VPS8: variants seen among roughly 807,000 people sequenced by gnomAD.
The protein encoded by VPS8 is vacuolar protein sorting-associated protein 8 homolog.
In VPS8, 129 loss-of-function variants were observed where a neutral mutation model predicts 216.4. The observed-to-expected ratio is 0.60, with a 90% CI of 0.52 to 0.69. The LOEUF is 0.69. Ranked by LOEUF, VPS8 falls within the 30% of genes least tolerant of loss-of-function variation. The probability of loss-of-function intolerance (pLI) is 0.00; values close to 1 mark genes in which losing one functional copy is unlikely to be tolerated. For missense variants in VPS8, 1,531 were observed against 1,683.5 expected (o/e 0.91, Z 1.59); for synonymous variants, 571 against 565.4 (o/e 1.01, Z -0.14).
Position 184,915,335 on chromosome 3 carries a change from A to G in VPS8, c.2263-20A>G. On this transcript the variant is annotated intron_variant, in intron 27 of 47. Coordinates refer to ENST00000625842, the MANE Select transcript of VPS8 (RefSeq NM_001009921.3). ...TTTGTCAGGTGAGAAAATAATCAAC[A>G]TTTTTTTCCCAACTTGCAGGTTTTT... The G allele has an allele frequency of 6.2e-7, 1 of 1,607,664 alleles. No individual in the cohort carries two copies.
intron 42 of VPS8, among the ~76,000 whole-genome samples, chr3:184,985,254 A>AG (rs1445860775): frequency 6.6e-6 from 1 of 152,238 alleles, no homozygotes; most frequent in Non-Finnish European, 1.5e-5. Flanking sequence ...AGAGAAGTTG[A>AG]GTTCTTAGCC....
At chr3:184,963,773 T>A (rs1165078179) in intron 37 of VPS8, among the ~76,000 whole-genome samples, 1 of 152,090 alleles carries the variant, frequency 6.6e-6, no homozygotes, top group Non-Finnish European at 1.5e-5. Context: ...AGATAATTTT[T>A]ATTAAGAAAA....
intron 36 of VPS8, among the ~76,000 whole-genome samples, chr3:184,946,879 G>C (rs1743774800): frequency 6.6e-6 from 1 of 151,940 alleles, no homozygotes; most frequent in African/African-American, 2.4e-5. Flanking sequence ...ACACTCTACT[G>C]AAAGCAAAAC....
chr3:185,004,966 T>C (rs1253715568), intron 45 of VPS8, among the ~76,000 whole-genome samples: 1 of 58,126 alleles, frequency 1.7e-5, no homozygotes, highest in Non-Finnish European at 3.2e-5. Context: ...ATGAGGTCTT[T>C]GCCTAAGCCA....
At chr3:184,839,137 T>C (rs1721649719) in intron 6 of VPS8, 1 of 190,874 alleles carries the variant, frequency 5.2e-6, no homozygotes, top group Non-Finnish European at 1.1e-5. Flanking sequence ...ATTGTCAGGC[T>C]TGCCAAATAG....
At chr3:184,942,655 A>G (rs1432417843) in intron 36 of VPS8, among the ~76,000 whole-genome samples, 2 of 152,184 alleles carry the variant, frequency 1.3e-5, no homozygotes, top group Non-Finnish European at 2.9e-5. Context: ...TTCTGCTTTG[A>G]GAGTCCTGAT....
At chr3:185,021,931 A>G (rs1344660725) in intron 45 of VPS8, among the ~76,000 whole-genome samples, 1 of 152,216 alleles carries the variant, frequency 6.6e-6, no homozygotes, top group Non-Finnish European at 1.5e-5. Flanking sequence ...GATAGTATCG[A>G]GTATCCATTG....
chr3:184,989,037 G>C (rs1010613364), intron 42 of VPS8, among the ~76,000 whole-genome samples: 11 of 152,090 alleles, frequency 7.2e-5, no homozygotes, highest in African/African-American at 2.7e-4. Flanking sequence ...GGGTTTTTTA[G>C]ACAATCATGT....
At chr3:184,974,623 A>AT (rs2109670624) in intron 40 of VPS8, among the ~76,000 whole-genome samples, 1 of 152,108 alleles carries the variant, frequency 6.6e-6, no homozygotes, top group East Asian at 1.9e-4. Context: ...TAGCTGTAAA[A>AT]TTTTTGTCTA....
At chr3:184,838,394 T>C (rs968318662) in intron 5 of VPS8, among the ~76,000 whole-genome samples, 3 of 152,204 alleles carry the variant, frequency 2.0e-5, no homozygotes, top group Admixed American at 6.5e-5. Flanking sequence ...ATAGTACTTA[T>C]AGTTTATTCA....
intron 36 of VPS8, among the ~76,000 whole-genome samples, chr3:184,948,567 C>T (rs9820111): frequency 0.51 from 77,810 of 152,042 alleles, 21,165 homozygotes; most frequent in Middle Eastern, 0.65. Flanking sequence ...AAGCCACGGA[C>T]TTTACCAGTA....
intron 46 of VPS8, among the ~76,000 whole-genome samples, chr3:185,047,852 C>T (rs980671808): frequency 2.4e-4 from 36 of 152,218 alleles, no homozygotes; most frequent in African/African-American, 8.4e-4. Context: ...ATGGCCGCCT[C>T]CCCCAGGATC....
intron 34 of VPS8, among the ~76,000 whole-genome samples, chr3:184,935,552 G>GT (rs1000980937): frequency 1.3e-5 from 2 of 152,132 alleles, no homozygotes; most frequent in Non-Finnish European, 2.9e-5. Context: ...TTGTGGTTGT[G>GT]TTTGATCATA....
intron 46 of VPS8, among the ~76,000 whole-genome samples, chr3:185,035,343 G>A (rs1043051968): frequency 6.6e-6 from 1 of 151,988 alleles, no homozygotes; most frequent in African/African-American, 2.4e-5. Flanking sequence ...GATAAACATA[G>A]ATGCAAAAAT....
chr3:184,965,546 T>C (rs1355992570), intron 38 of VPS8, among the ~76,000 whole-genome samples: 1 of 152,214 alleles, frequency 6.6e-6, no homozygotes, highest in Non-Finnish European at 1.5e-5. Context: ...AGGGCTCCGC[T>C]GTGTAATATA....
chr3:184,842,055 T>C (rs1403714316), intron 7 of VPS8, among the ~76,000 whole-genome samples: 3 of 152,062 alleles, frequency 2.0e-5, no homozygotes, highest in Non-Finnish European at 4.4e-5. Flanking sequence ...CACCTCTATC[T>C]GCTTTAACAT....
At chr3:184,905,179 G>A (rs946225772) in intron 25 of VPS8, among the ~76,000 whole-genome samples, 1 of 152,056 alleles carries the variant, frequency 6.6e-6, no homozygotes, top group Non-Finnish European at 1.5e-5. Context: ...CTCCCCAAAG[G>A]CCCCCACCTC....
intron 46 of VPS8, among the ~76,000 whole-genome samples, chr3:185,040,040 T>A (rs1233934713): frequency 1.3e-5 from 2 of 151,966 alleles, no homozygotes; most frequent in Non-Finnish European, 2.9e-5. Context: ...GGGAGGGAAG[T>A]ACCAGGCTCT....
Position 184,964,489 on chromosome 3 carries a change from C to G in VPS8, c.3205C>G (p.His1069Asp). 1 of 1,513,208 alleles carries G rather than the reference C, an allele frequency of 6.6e-7. No homozygotes were observed. The highest frequency in any genetic ancestry group is 8.9e-7 in the Non-Finnish European group (1 of 1,125,090). 93.7% of individuals were successfully genotyped at this position (1,513,208 alleles called of 1,614,324 possible). ...CTAGATTACTCAGAAGTATCAACTTCATGAAGTCACCGCTTATCTATTGGA... is the reference window on the plus strand; with the variant it reads ...CTAGATTACTCAGAAGTATCAACTTGATGAAGTCACCGCTTATCTATTGGA... ...TIQITQKYQL[H>D]EVTAYLLEKK... Residue 1069 changes from histidine to aspartate, a missense_variant, in exon 38 of 48, where the codon CAT (histidine) becomes GAT (aspartate). By Grantham distance (81) the His-to-Asp change is moderately conservative (BLOSUM62 -1). Transcript: ENST00000625842.
Sources: gnomAD v4.1 joint callset for allele counts (sites outside exome capture counted in the v4.1 genomes callset) on GRCh38, gnomAD v4.1.1 for gene constraint, MANE v1.5 for transcripts, NCBI Gene and HGNC (gene_info 2026-07-23, HGNC 2026-07-21) for gene names.